The following PNPLA7 variants were observed in gnomAD, a reference collection of about 807,000 sequenced individuals.
The protein encoded by PNPLA7 is patatin like domain 7, lysophospholipase, also known as patatin-like phospholipase domain-containing protein 7.
PNPLA7 carries 153 observed loss-of-function variants against 161.7 expected under a neutral mutation model. The observed-to-expected ratio is 0.95, with a 90% CI of 0.83 to 1.08. The LOEUF is 1.08. Among genes scored for constraint, PNPLA7 ranks in the 50% least tolerant of loss-of-function variants. The pLI is 0.00. For synonymous variants in PNPLA7, 809 were observed against 782.1 expected (o/e 1.03, Z -0.57); for missense variants, 1,739 against 1,856.6 (o/e 0.94, Z 1.16).
intron 21 of PNPLA7, among the ~76,000 whole-genome samples, chr9:137,483,997 G>A (rs1022335895): frequency 1.3e-5 from 2 of 151,912 alleles, no homozygotes; most frequent in African/African-American, 4.8e-5. Context: ...GCAATGGTGT[G>A]TGATCTTGGC....
At chr9:137,545,793 A>G (rs1836480880) in intron 4 of PNPLA7, among the ~76,000 whole-genome samples, 1 of 152,238 alleles carries the variant, frequency 6.6e-6, no homozygotes, top group Non-Finnish European at 1.5e-5. Flanking sequence ...TTATGCCCGG[A>G]CAGGGCCACC....
In PNPLA7 at chr9:137,498,121, T is replaced by C; in HGVS notation, c.1882A>G (p.Ile628Val). ...TGGCACCCACGGCCTCACCTGTATA[T>C]TGCTCGCCCGGCCTCCACCTCCACC... Reference protein sequence around the residue: ...DWVEVEAGRAIYRQGDKSDCT... With the variant: ...DWVEVEAGRAVYRQGDKSDCT... The change falls in exon 17 of 35, where the codon ATA (isoleucine) becomes GTA (valine). Residue 628 changes from isoleucine (I) to valine (V), a missense_variant. Ile to Val is a conservative substitution (Grantham distance 29). Transcript: ENST00000406427. 1 of 1,612,954 alleles carries C rather than the reference T, an allele frequency of 6.2e-7. No homozygotes were observed. Among genetic ancestry groups the C allele is most frequent in the Non-Finnish European group, 8.5e-7 (1 of 1,179,910 alleles).
Position 137,480,368 on chromosome 9 carries a change from G to A in PNPLA7, c.2524C>T (p.Gln842Ter), listed in dbSNP as rs2132143437. The A allele has an allele frequency of 4.3e-6, 7 of 1,613,544 alleles. No homozygotes were observed. Among genetic ancestry groups the A allele is most frequent in the Non-Finnish European group, 5.9e-6 (7 of 1,179,968 alleles). ...CCCACGATGAGGATGCAGTCGGCCT[G>A]GCGCACGCAGCGCTGGGTCCAGGGT... ...LTPWTQRCVR[Q>*]ADCILIVGLG... Residue 842 changes from glutamine to a stop codon, truncating the protein, a stop_gained, in exon 23 of 35, where the codon CAG (glutamine) becomes TAG (stop). Transcript: ENST00000406427. LOFTEE classifies it high-confidence loss of function.
In PNPLA7 at chr9:137,495,452, T is replaced by G. The variant is rs1199455384; in HGVS notation, c.2014-306A>C. 3.3e-5 allele frequency among the ~76,000 whole-genome samples: 5 copies of G among 152,000 alleles called. No homozygotes were observed. In the East Asian group the frequency reaches 9.7e-4, roughly 29 times the overall value. ...TGCCTTTGGAGAACACCTCTTTTTT[T>G]TTTTTCTTGGAGACGGAGTCTCATT... On this transcript the variant is annotated intron_variant, in intron 18 of 34. Coordinates refer to ENST00000406427, the MANE Select transcript of PNPLA7 (RefSeq NM_001098537.3).
Position 137,480,181 on chromosome 9 carries a change from G to A in PNPLA7, c.2580+131C>T, listed in dbSNP as rs946283559. ...CCGTGTTTTTAAAACATGGGTAGCA[G>A]ATATCTGAGTGTTGGCTCTTATCAT... On this transcript the variant is annotated intron_variant, in intron 23 of 34. Coordinates refer to ENST00000406427, the MANE Select transcript of PNPLA7 (RefSeq NM_001098537.3). 6 of 1,294,202 alleles carry A rather than the reference G, an allele frequency of 4.6e-6. No individual in the cohort carries two copies. In the Admixed American group the frequency reaches 1.4e-4, roughly 31 times the overall value. 80.2% of individuals were successfully genotyped at this position (1,294,202 alleles called of 1,614,324 possible).
At chr9:137,532,068 C>T (rs368315696) in intron 8 of PNPLA7, among the ~76,000 whole-genome samples, 132 of 152,274 alleles carry the variant, frequency 8.7e-4, no homozygotes, top group African/African-American at 3.1e-3. Context: ...AGCAACATCA[C>T]GCTTTTTTGC....
At chr9:137,461,268 G>C in intron 33 of PNPLA7, 1 of 439,602 alleles carries the variant, frequency 2.3e-6, no homozygotes, top group Non-Finnish European at 4.1e-6. Context: ...GCAAAACGTG[G>C]TTCTACTTCA....
intron 8 of PNPLA7, among the ~76,000 whole-genome samples, chr9:137,535,011 A>G (rs910671365): frequency 5.3e-5 from 8 of 152,184 alleles, no homozygotes; most frequent in African/African-American, 1.9e-4. Flanking sequence ...TTTTTTTTGG[A>G]ACACTAGATG....
chr9:137,467,771 G>A lies in PNPLA7; in HGVS notation c.2883-298C>T, dbSNP rs961068408. Among the ~76,000 whole-genome samples, 15 of 152,106 alleles carry A rather than the reference G, an allele frequency of 9.9e-5. No homozygotes were observed. Among genetic ancestry groups the A allele is most frequent in the East Asian group, 5.8e-4 (3 of 5,192 alleles). ...AAATTAGCCAGGCGTGGTGGTGCGC[G>A]CCTGTAATCCCAGCTACTCGGGAGG... On this transcript the variant is annotated intron_variant, in intron 25 of 34. Transcript: ENST00000406427. This position sits in a 1 kb window ranked among gnomAD's most constrained non-coding sequence, Gnocchi z 5.1.
chr9:137,514,109 G>A (rs530537507), intron 12 of PNPLA7, among the ~76,000 whole-genome samples: 25 of 151,368 alleles, frequency 1.7e-4, no homozygotes, highest in African/African-American at 4.4e-4. Context: ...GGCTGCGGGC[G>A]GGTCACCCGG....
chr9:137,503,358 A>T (rs575645471), intron 14 of PNPLA7, among the ~76,000 whole-genome samples: 1 of 151,782 alleles, frequency 6.6e-6, no homozygotes, highest in Non-Finnish European at 1.5e-5. Context: ...TCCAGGCTGG[A>T]TGACAAAGTG....
chr9:137,535,330 TA>T (rs2132580113), intron 8 of PNPLA7, among the ~76,000 whole-genome samples: 1 of 152,198 alleles, frequency 6.6e-6, no homozygotes, highest in African/African-American at 2.4e-5. Flanking sequence ...GAAGCCAAAA[TA>T]AACAGAGAAG....
chr9:137,487,041 C>T (rs556139847), intron 20 of PNPLA7, among the ~76,000 whole-genome samples: 3 of 150,440 alleles, frequency 2.0e-5, no homozygotes, highest in East Asian at 4.0e-4. Context: ...TGACCCAACT[C>T]GACTGCAGCT....
In PNPLA7 at chr9:137,547,044, G is replaced by C. The variant is rs79174707; in HGVS notation, c.194-135C>G. On this transcript the variant is annotated intron_variant, in intron 3 of 34. Coordinates refer to ENST00000406427, the MANE Select transcript of PNPLA7 (RefSeq NM_001098537.3). The surrounding 1 kb of genome is among the most constrained non-coding windows in gnomAD (Gnocchi z 4.6). The stretch of plus-strand genomic sequence containing the variant: ...CATACTCAGACAGCATGAGGGAAGA[G>C]GGCCTGAGTGACAGGCTCATCTCCA... 1,527 of 835,246 alleles carry C rather than the reference G, an allele frequency of 1.8e-3. 11 individuals carry two copies. The highest frequency in any genetic ancestry group is 0.016 in the East Asian group (613 of 38,314). The allele number at this position is 835,246 out of a possible 1,614,324, so 51.7% of individuals were successfully genotyped here.
rs1041379198 is a variant in PNPLA7 at position 137,501,631 on chromosome 9, C to T, written c.1551+19G>A. ...TGGCATTGGGTGGTCCCAGTGCCCC[C>T]CCCCAGACCCCCGCTCACCTGGTCT... On this transcript the variant is annotated intron_variant, in intron 15 of 34. Coordinates refer to ENST00000406427, the MANE Select transcript of PNPLA7 (RefSeq NM_001098537.3). 9.9e-6 allele frequency: 16 copies of T among 1,609,504 alleles called. No homozygotes were observed. Among genetic ancestry groups the T allele is most frequent in the East Asian group, 2.2e-5 (1 of 44,816 alleles).
chr9:137,479,167 G>A lies in PNPLA7; in HGVS notation c.2652C>T (p.Gly884=). Residue 884 remains glycine (G), a synonymous_variant, in exon 24 of 35, where the codon GGC becomes GGT. Transcript: ENST00000406427. ...KQLILLHREE[G]PAPARTVEWL... ...ACTCCACGGTGCGCGCTGGCGCCGG[G>A]CCCTCCTCCCTGTGCAGCAGGATCA... 2 of 1,570,330 alleles carry A rather than the reference G, an allele frequency of 1.3e-6. No individual in the cohort carries two copies. The highest frequency in any genetic ancestry group is 1.2e-5 in the South Asian group (1 of 85,654).
At position 137,462,160 on chromosome 9, in the gene PNPLA7, G is replaced by T. The variant is rs1313996573; in HGVS notation, c.3645+19C>A. The T allele has an allele frequency of 3.2e-6, 5 of 1,552,912 alleles. No individual in the cohort carries two copies. The highest frequency in any genetic ancestry group is 1.7e-6 in the Non-Finnish European group (2 of 1,145,814). On this transcript the variant is annotated intron_variant, in intron 31 of 34. Coordinates refer to ENST00000406427, the MANE Select transcript of PNPLA7 (RefSeq NM_001098537.3). The stretch of plus-strand genomic sequence containing the variant: ...AGTGCCTCCGCCCGCCTCCGCCGCC[G>T]CGGGTGGCCGGCACTCACGCAGATC...
rs1832071822 is a variant in PNPLA7 at position 137,478,970 on chromosome 9, C to G, written c.2763+86G>C. 3 of 1,417,244 alleles carry G rather than the reference C, an allele frequency of 2.1e-6. No individual in the cohort carries two copies. The South Asian group carries it at 4.4e-5, about 21-fold the overall frequency. 87.8% of individuals were successfully genotyped at this position (1,417,244 alleles called of 1,614,324 possible). A position where few individuals can be genotyped will look rare whatever the true frequency, so the allele number is the denominator to read the frequency against. ...CCCAGGAGCGCAGGTGTCAGGGAAT[C>G]AGGTGGGGAATGTGAAGAATGCTTC... On this transcript the variant is annotated intron_variant, in intron 24 of 34. Coordinates refer to ENST00000406427, the MANE Select transcript of PNPLA7 (RefSeq NM_001098537.3).
At position 137,500,120 on chromosome 9, in the gene PNPLA7, A is replaced by G. The variant is rs951679674; in HGVS notation, c.1757+571T>C. ...CCTGGAGGGGCCAAATCTGAGACTT[A>G]CGGGCTGGGGTCAAGTGGACAGATG... On this transcript the variant is annotated intron_variant, in intron 16 of 34. Transcript: ENST00000406427. This position sits in a 1 kb window ranked among gnomAD's most constrained non-coding sequence, Gnocchi z 5.5. Among the ~76,000 whole-genome samples the G allele has an allele frequency of 6.6e-6, 1 of 152,092 alleles. No homozygotes were observed. The highest frequency in any genetic ancestry group is 2.4e-5 in the African/African-American group (1 of 41,452).
Sources: allele counts gnomAD v4.1 joint callset (sites outside exome capture counted in the v4.1 genomes callset), GRCh38; gene constraint gnomAD v4.1.1; non-coding constraint Gnocchi (gnomAD v3.1); transcripts MANE v1.5; gene names NCBI Gene and HGNC (gene_info 2026-07-23, HGNC 2026-07-21).